Variants in PIBF1 observed in about 807,000 individuals in gnomAD.
PIBF1 encodes the protein progesterone immunomodulatory binding factor 1, also known as progesterone-induced-blocking factor 1.
PIBF1 carries 90 observed loss-of-function variants against 112.5 expected under a neutral mutation model. That is an observed-to-expected ratio of 0.80 (90% CI 0.67 to 0.95). The LOEUF is 0.95. Ranked by LOEUF, PIBF1 falls within the 40% of genes least tolerant of loss-of-function variation. The probability of loss-of-function intolerance (pLI) is 0.00; values close to 1 mark genes in which losing one functional copy is unlikely to be tolerated. For missense variants in PIBF1, 915 were observed against 852.3 expected, an observed-to-expected ratio of 1.07 and a Z score of -0.92; for synonymous variants, 301 against 288.6, an observed-to-expected ratio of 1.04 and a Z score of -0.44.
At chr13:72,819,782 A>G (rs150691044) in intron 5 of PIBF1, among the ~76,000 whole-genome samples, 78 of 152,030 alleles carry the variant, frequency 5.1e-4, no homozygotes, top group Non-Finnish European at 3.5e-4. Flanking sequence ...AATACTTTAA[A>G]GGCTTTTTGT....
At chr13:72,842,883 T>C (rs1335698749) in intron 9 of PIBF1, among the ~76,000 whole-genome samples, 2 of 152,258 alleles carry the variant, frequency 1.3e-5, no homozygotes, top group Non-Finnish European at 1.5e-5. Context: ...AGTTATCTTT[T>C]ATTGTTAACT....
At chr13:72,821,755 A>T (rs922870885) in intron 5 of PIBF1, 94 bp from the exon 6 acceptor site, 16 of 844,616 alleles carry the variant, frequency 1.9e-5, no homozygotes, top group African/African-American at 1.6e-4. Context: ...AATTACAAGG[A>T]CAATCACAGC....
chr13:72,974,559 T>C lies in PIBF1; in HGVS notation c.2049+884T>C, dbSNP rs574629407. ...TGTATAATATATTGACCTCAAGTGA[T>C]CCGCCTGCATCAGCCTCCCAAAGTG... On this transcript the variant is annotated intron_variant, in intron 16 of 17. Coordinates refer to ENST00000326291, the MANE Select transcript of PIBF1 (RefSeq NM_006346.4). Among the ~76,000 whole-genome samples the C allele has an allele frequency of 1.8e-3, 274 of 152,312 alleles. 1 individual carries two copies. Among genetic ancestry groups the C allele is most frequent in the African/African-American group, 6.2e-3 (259 of 41,576 alleles).
At chr13:72,809,121 A>G (rs1454415022) in intron 5 of PIBF1, among the ~76,000 whole-genome samples, 1 of 134,310 alleles carries the variant, frequency 7.4e-6, no homozygotes, top group African/African-American at 2.9e-5. Context: ...ACTTGGGGGC[A>G]GTATATGTCC....
Position 72,839,911 on chromosome 13 carries a change from C to A in PIBF1, c.1223+4543C>A, listed in dbSNP as rs190598244. 5.0e-4 allele frequency among the ~76,000 whole-genome samples: 76 copies of A among 152,244 alleles called. No individual in the cohort carries two copies. The Middle Eastern group carries it at 0.014, about 27-fold the overall frequency. ...TGTTCTTCTGACCCCCTATCCACATCAAAATGGACACTACCTAACCAGGGG... is the reference window on the plus strand; with the variant it reads ...TGTTCTTCTGACCCCCTATCCACATAAAAATGGACACTACCTAACCAGGGG... On this transcript the variant is annotated intron_variant, in intron 9 of 17. Coordinates refer to ENST00000326291, the MANE Select transcript of PIBF1 (RefSeq NM_006346.4).
At chr13:72,970,650 A>G (rs2042863871) in intron 15 of PIBF1, 1 of 152,178 alleles carries the variant, frequency 6.6e-6, no homozygotes, top group Non-Finnish European at 1.5e-5. Flanking sequence ...TGTGCTTACA[A>G]GGAGATTTGT....
intron 15 of PIBF1, among the ~76,000 whole-genome samples, chr13:72,972,045 TTTA>T (rs1162797254): frequency 7.9e-5 from 12 of 151,066 alleles, no homozygotes; most frequent in East Asian, 3.9e-4. Flanking sequence ...TATTTATTTA[TTTA>T]TTTTTTGAGA....
chr13:72,849,718 G>T (rs930613535), intron 9 of PIBF1, among the ~76,000 whole-genome samples: 1 of 152,170 alleles, frequency 6.6e-6, no homozygotes, highest in African/African-American at 2.4e-5. Flanking sequence ...AAACATCTGT[G>T]AAGCAAAGGA....
intron 14 of PIBF1, among the ~76,000 whole-genome samples, chr13:72,961,461 GA>G (rs2042605607): frequency 6.6e-6 from 1 of 151,810 alleles, no homozygotes; most frequent in Non-Finnish European, 1.5e-5. Context: ...TTCATTTGAG[GA>G]AAAAAATACA....
At chr13:72,809,584 T>C (rs2035903739) in intron 5 of PIBF1, among the ~76,000 whole-genome samples, 1 of 118,094 alleles carries the variant, frequency 8.5e-6, no homozygotes, top group East Asian at 2.0e-4. Flanking sequence ...GAAGGTTTTT[T>C]TTTGGTTTTT....
chr13:72,955,851 A>G (rs2042430925), intron 14 of PIBF1, among the ~76,000 whole-genome samples: 1 of 151,964 alleles, frequency 6.6e-6, no homozygotes, highest in Non-Finnish European at 1.5e-5. Context: ...TATTTTTCCA[A>G]TCTGTCAAGC....
At chr13:72,837,981 G>A (rs572085983) in intron 9 of PIBF1, among the ~76,000 whole-genome samples, 3 of 152,176 alleles carry the variant, frequency 2.0e-5, no homozygotes, top group East Asian at 1.9e-4. Flanking sequence ...ATTTTACTTC[G>A]TCCCAGCCCT....
intron 17 of PIBF1, among the ~76,000 whole-genome samples, chr13:73,006,636 A>G (rs1257592359): frequency 6.6e-6 from 1 of 152,204 alleles, no homozygotes; most frequent in Non-Finnish European, 1.5e-5. Flanking sequence ...GTTAAACACT[A>G]ATAGATTCTT....
At chr13:72,851,367 C>G (rs1352101231) in intron 9 of PIBF1, among the ~76,000 whole-genome samples, 2 of 152,256 alleles carry the variant, frequency 1.3e-5, no homozygotes, top group African/African-American at 4.8e-5. Context: ...GATTTCAGAG[C>G]AAAGTTGAGG....
intron 13 of PIBF1, among the ~76,000 whole-genome samples, chr13:72,920,193 T>G (rs912232967): frequency 3.9e-5 from 6 of 152,198 alleles, no homozygotes; most frequent in Non-Finnish European, 7.3e-5. Flanking sequence ...TGTCCAAATA[T>G]TCTAAAGATT....
intron 13 of PIBF1, among the ~76,000 whole-genome samples, chr13:72,925,832 G>A (rs772890383): frequency 7.2e-5 from 11 of 151,886 alleles, no homozygotes; most frequent in Non-Finnish European, 1.6e-4. Flanking sequence ...ATGAGCCACC[G>A]CACCCGGCCC....
intron 17 of PIBF1, among the ~76,000 whole-genome samples, chr13:73,001,684 C>T (rs1230749386): frequency 7.2e-6 from 1 of 138,480 alleles, no homozygotes; most frequent in African/African-American, 2.7e-5. Flanking sequence ...AGTGCAGTGG[C>T]GTGATCTCAG....
intron 9 of PIBF1, among the ~76,000 whole-genome samples, chr13:72,848,167 T>G (rs2037956041): frequency 6.6e-6 from 1 of 152,240 alleles, no homozygotes; most frequent in Non-Finnish European, 1.5e-5. Context: ...TTTTAAGTTC[T>G]GAGGCATTAG....
At chr13:72,874,327 A>G (rs1255633358) in intron 10 of PIBF1, among the ~76,000 whole-genome samples, 2 of 152,194 alleles carry the variant, frequency 1.3e-5, no homozygotes, top group Admixed American at 1.3e-4. Flanking sequence ...TATATTTCTA[A>G]TGTCCCCAAG....
Sources: gnomAD v4.1 joint callset for allele counts (sites outside exome capture counted in the v4.1 genomes callset) on GRCh38, gnomAD v4.1.1 for gene constraint, MANE v1.5 for transcripts, NCBI Gene and HGNC (gene_info 2026-07-23, HGNC 2026-07-21) for gene names.